Variants in CFAP47 observed in about 807,000 individuals in gnomAD.
CFAP47 encodes the protein cilia and flagella associated protein 47, also known as cilia- and flagella-associated protein 47.
CFAP47 carries 29 observed loss-of-function variants against 148.1 expected under a neutral mutation model. The observed-to-expected ratio is 0.20, with a 90% CI of 0.15 to 0.27. The LOEUF (loss-of-function observed/expected upper bound fraction) is 0.27, where lower values mean the gene tolerates loss of function less well. CFAP47 is among the 10% of genes least tolerant of loss of function. The pLI, the probability that CFAP47 is intolerant of heterozygous loss-of-function variation, is 1.00. For missense variants in CFAP47, 1,872 were observed against 1,697.5 expected, an observed-to-expected ratio of 1.10 and a Z score of -1.81; for synonymous variants, 664 against 577.3, an observed-to-expected ratio of 1.15 and a Z score of -2.15.
intron 57 of CFAP47, among the ~76,000 whole-genome samples, chrX:36,328,825 A>AT (rs1556013570): frequency 9.2e-6 from 1 of 108,268 alleles, no homozygotes; most frequent in African/African-American, 3.4e-5. Context: ...TCAAAAAAAA[A>AT]AAAAAAAAAA....
intron 33 of CFAP47, among the ~76,000 whole-genome samples, chrX:36,114,315 C>G (rs1228754303): frequency 9.0e-6 from 1 of 111,435 alleles, no homozygotes; most frequent in Non-Finnish European, 1.9e-5. Context: ...TCTCCATGAT[C>G]CTTATTCCTA....
At chrX:36,384,738 C>T in intron 63 of CFAP47, 59 bp from the exon 64 acceptor site, 1 of 885,291 alleles carries the variant, frequency 1.1e-6, no homozygotes, top group Non-Finnish European at 1.6e-6. Flanking sequence ...GAACTTTTCC[C>T]TACATGTTTT....
At chrX:35,995,651 G>T (rs1936838351) in intron 18 of CFAP47, among the ~76,000 whole-genome samples, 1 of 111,279 alleles carries the variant, frequency 9.0e-6, no homozygotes, top group African/African-American at 3.3e-5. Context: ...ACGTTTGCTT[G>T]AATTGGAGGC....
intron 2 of CFAP47, among the ~76,000 whole-genome samples, chrX:35,930,897 T>C (rs116066346): frequency 8.9e-6 from 1 of 111,788 alleles, no homozygotes; most frequent in African/African-American, 3.2e-5. Context: ...CAGCTTTCTA[T>C]CGTTGACTTT....
intron 2 of CFAP47, among the ~76,000 whole-genome samples, chrX:35,939,437 C>T (rs1220466271): frequency 3.0e-5 from 2 of 67,271 alleles, no homozygotes; most frequent in African/African-American, 5.6e-5. Flanking sequence ...AATGCTATCC[C>T]TCCCCCCTCC....
chrX:36,014,995 C>A (rs915452206), intron 22 of CFAP47, 83 bp downstream of exon 22: 1 of 273,646 alleles, frequency 3.7e-6, no homozygotes, highest in Admixed American at 6.4e-5. Context: ...ATAGAATATG[C>A]CATTTGTTTT....
At chrX:36,006,659 C>T (rs1405623031) in intron 21 of CFAP47, among the ~76,000 whole-genome samples, 1 of 112,101 alleles carries the variant, frequency 8.9e-6, no homozygotes, top group African/African-American at 3.2e-5. Flanking sequence ...TCCTTTCCTA[C>T]ACTGCACCAG....
intron 49 of CFAP47, among the ~76,000 whole-genome samples, chrX:36,273,970 T>C (rs781845035): frequency 5.4e-5 from 6 of 111,965 alleles, no homozygotes; most frequent in African/African-American, 3.2e-5. Context: ...TTCTAAGATA[T>C]ATTGTTTAAA....
chrX:36,291,143 T>G (rs1216163925), intron 51 of CFAP47, among the ~76,000 whole-genome samples: 1 of 111,719 alleles, frequency 9.0e-6, no homozygotes, highest in Non-Finnish European at 1.9e-5. Flanking sequence ...TGGCAAACTA[T>G]CAGCCTATTG....
At chrX:36,333,076 A>G (rs782336750) in intron 57 of CFAP47, among the ~76,000 whole-genome samples, 2 of 111,396 alleles carry the variant, frequency 1.8e-5, no homozygotes, top group South Asian at 7.6e-4. Flanking sequence ...AGATTTTCCT[A>G]CCACTATCTA....
chrX:36,051,806 A>G (rs1407674706), intron 26 of CFAP47, among the ~76,000 whole-genome samples: 1 of 110,951 alleles, frequency 9.0e-6, no homozygotes, highest in African/African-American at 3.3e-5. Context: ...TCTCTACCCA[A>G]AGCTTATCTT....
chrX:36,317,708 G>A (rs981180766), intron 56 of CFAP47, among the ~76,000 whole-genome samples: 28 of 110,177 alleles, frequency 2.5e-4, no homozygotes, highest in African/African-American at 8.3e-4. Context: ...GTGAGCCGCC[G>A]TGCCTGGCCT....
At chrX:36,203,627 T>C (rs1940006585) in intron 44 of CFAP47, among the ~76,000 whole-genome samples, 1 of 112,205 alleles carries the variant, frequency 8.9e-6, no homozygotes, top group African/African-American at 3.2e-5. Flanking sequence ...TTCTCACGTG[T>C]TTTGGTCTAT....
At chrX:35,939,934 C>CCAG (rs1935978476) in intron 2 of CFAP47, among the ~76,000 whole-genome samples, 3 of 102,233 alleles carry the variant, frequency 2.9e-5, no homozygotes, top group African/African-American at 7.1e-5. Flanking sequence ...GTTCCTATTT[C>CCAG]TCCACGTCCT....
intron 20 of CFAP47, among the ~76,000 whole-genome samples, 180 bp from the exon 21 acceptor site, chrX:36,001,433 A>G (rs1043357532): frequency 9.0e-6 from 1 of 111,628 alleles, no homozygotes; most frequent in African/African-American, 3.3e-5. Flanking sequence ...TAATGAGTTT[A>G]CTGTCACTGT....
chrX:36,176,852 G>A lies in CFAP47; in HGVS notation c.6027-2493G>A, dbSNP rs185551883. Reference sequence around the variant, plus strand: ...CCTGGAGGCTGAGGTTGCAGTGAGCGGAGATTGTGCCATTGCATTCCAGCC... The same window carrying A: ...CCTGGAGGCTGAGGTTGCAGTGAGCAGAGATTGTGCCATTGCATTCCAGCC... On this transcript the variant is annotated intron_variant, in intron 39 of 63. Coordinates refer to ENST00000378653, the MANE Select transcript of CFAP47 (RefSeq NM_001304548.2). Among the ~76,000 whole-genome samples the A allele has an allele frequency of 5.9e-3, 659 of 112,196 alleles. 5 individuals carry two copies. The highest frequency in any genetic ancestry group is 0.048 in the South Asian group (129 of 2,695).
chrX:36,247,726 A>T (rs1047195565), intron 48 of CFAP47, among the ~76,000 whole-genome samples: 19 of 111,267 alleles, frequency 1.7e-4, no homozygotes, highest in Admixed American at 5.8e-4. Flanking sequence ...TTTTACTCAA[A>T]ATCTGACAGT....
intron 57 of CFAP47, among the ~76,000 whole-genome samples, chrX:36,345,106 G>A (rs781840292): frequency 1.8e-4 from 20 of 111,974 alleles, no homozygotes; most frequent in African/African-American, 5.8e-4. Flanking sequence ...ATATCTCTGT[G>A]TATACAAAAT....
At position 36,331,653 on chromosome X, in the gene CFAP47, T is replaced by C. The variant is rs185839598; in HGVS notation, c.8443+12346T>C. Among the ~76,000 whole-genome samples, 760 of 111,766 alleles carry C rather than the reference T, an allele frequency of 6.8e-3. 3 individuals are homozygous for C. The highest frequency in any genetic ancestry group is 8.8e-3 in the Non-Finnish European group (466 of 53,126). ...CTTGCCAAAAACTTAGGAGTCATAC[T>C]TAATTTATTTTTGTCTCACTGCAAA... On this transcript the variant is annotated intron_variant, in intron 57 of 63. Coordinates refer to ENST00000378653, the MANE Select transcript of CFAP47 (RefSeq NM_001304548.2).
Sources: gnomAD v4.1 joint callset for allele counts (sites outside exome capture counted in the v4.1 genomes callset) on GRCh38, gnomAD v4.1.1 for gene constraint, MANE v1.5 for transcripts, NCBI Gene and HGNC (gene_info 2026-07-23, HGNC 2026-07-21) for gene names.